The following SPOCK3 variants were observed in gnomAD, a reference collection of about 807,000 sequenced individuals.
SPOCK3 encodes testican-3.
In SPOCK3, 30 loss-of-function variants were observed where a neutral mutation model predicts 56.6. The ratio of observed to expected loss-of-function variants is 0.53; its 90% CI spans 0.40 to 0.72. The LOEUF (loss-of-function observed/expected upper bound fraction) is 0.72. Ranked by LOEUF, SPOCK3 falls within the 30% of genes least tolerant of loss-of-function variation. The pLI is 0.00. For missense variants in SPOCK3, 527 were observed against 530.0 expected (o/e 0.99, Z 0.06); for synonymous variants, 196 against 183.3 (o/e 1.07, Z -0.56).
At chr4:166,794,800 G>A (rs994625216) in intron 6 of SPOCK3, among the ~76,000 whole-genome samples, 1 of 151,606 alleles carries the variant, frequency 6.6e-6, no homozygotes, top group Non-Finnish European at 1.5e-5. Context: ...CCGCCACCAG[G>A]CCCAGCTAAT....
At chr4:166,875,694 G>A (rs1053894883) in intron 6 of SPOCK3, among the ~76,000 whole-genome samples, 8 of 152,154 alleles carry the variant, frequency 5.3e-5, no homozygotes, top group Non-Finnish European at 8.8e-5. Context: ...AACTAGGAGC[G>A]GAAATTACAA....
intron 7 of SPOCK3, among the ~76,000 whole-genome samples, chr4:166,762,379 G>T (rs1737355868): frequency 6.6e-6 from 1 of 152,074 alleles, no homozygotes; most frequent in South Asian, 2.1e-4. Flanking sequence ...TGAGATTTCT[G>T]GTGTGCCCTT....
At chr4:167,164,801 G>A (rs1418386235) in intron 2 of SPOCK3, among the ~76,000 whole-genome samples, 3 of 152,032 alleles carry the variant, frequency 2.0e-5, no homozygotes, top group Non-Finnish European at 1.5e-5. Context: ...AGTATTCCAT[G>A]GTGTATATGT....
chr4:166,903,425 C>G (rs919779432), intron 5 of SPOCK3, among the ~76,000 whole-genome samples: 6 of 151,840 alleles, frequency 4.0e-5, no homozygotes, highest in Non-Finnish European at 7.4e-5. Context: ...AACATTATAC[C>G]ATAATAATGG....
chr4:167,055,326 G>C (rs1754675747), intron 3 of SPOCK3, among the ~76,000 whole-genome samples: 1 of 152,194 alleles, frequency 6.6e-6, no homozygotes, highest in African/African-American at 2.4e-5. Flanking sequence ...GGGGAGCCAA[G>C]ATGGCCAAAT....
intron 2 of SPOCK3, chr4:167,119,736 A>G (rs1761714551): frequency 1.7e-6 from 2 of 1,206,178 alleles, no homozygotes; most frequent in Non-Finnish European, 2.3e-6. Flanking sequence ...TCTATAACAT[A>G]ATGGGTACTC....
At chr4:166,834,858 G>A (rs1020240630) in intron 6 of SPOCK3, among the ~76,000 whole-genome samples, 10 of 151,764 alleles carry the variant, frequency 6.6e-5, no homozygotes, top group African/African-American at 2.4e-4. Context: ...ATTTGACTAT[G>A]TTTTGATCAA....
chr4:167,123,716 C>T (rs1580365922), intron 2 of SPOCK3, among the ~76,000 whole-genome samples: 3 of 150,448 alleles, frequency 2.0e-5, no homozygotes, highest in African/African-American at 7.3e-5. Flanking sequence ...CCAGAAAAGA[C>T]AGCTCCAACA....
At chr4:167,010,422 G>A (rs564233868) in intron 3 of SPOCK3, among the ~76,000 whole-genome samples, 1 of 149,260 alleles carries the variant, frequency 6.7e-6, no homozygotes, top group East Asian at 2.0e-4. Flanking sequence ...AGAAAGCTGA[G>A]ATGTGGAGAA....
At chr4:166,969,890 T>A (rs1004904198) in intron 4 of SPOCK3, among the ~76,000 whole-genome samples, 13 of 152,184 alleles carry the variant, frequency 8.5e-5, no homozygotes. Flanking sequence ...TTATGGGTAG[T>A]CTTAGGAAAA....
chr4:166,769,939 G>C (rs1738700174), intron 7 of SPOCK3, among the ~76,000 whole-genome samples: 1 of 152,178 alleles, frequency 6.6e-6, no homozygotes, highest in African/African-American at 2.4e-5. Context: ...ATGTCAGACA[G>C]CTGTGCTAGT....
intron 6 of SPOCK3, among the ~76,000 whole-genome samples, chr4:166,873,109 A>C (rs1302285515): frequency 6.6e-6 from 1 of 151,990 alleles, no homozygotes; most frequent in African/African-American, 2.4e-5. Flanking sequence ...TCACCTCCCA[A>C]CACCACCAGA....
chr4:167,163,202 G>A (rs545502260), intron 2 of SPOCK3, among the ~76,000 whole-genome samples: 248 of 138,302 alleles, frequency 1.8e-3, no homozygotes, highest in Non-Finnish European at 3.3e-3. Flanking sequence ...CTAAATTTTA[G>A]GTAATCCTCA....
intron 4 of SPOCK3, among the ~76,000 whole-genome samples, chr4:166,940,604 G>A (rs1740939826): frequency 6.6e-6 from 1 of 151,502 alleles, no homozygotes; most frequent in African/African-American, 2.4e-5. Flanking sequence ...TTTGCTCATT[G>A]TAATAATAAA....
At chr4:167,107,183 G>C (rs1342811408) in intron 2 of SPOCK3, among the ~76,000 whole-genome samples, 1 of 151,704 alleles carries the variant, frequency 6.6e-6, no homozygotes, top group Non-Finnish European at 1.5e-5. Flanking sequence ...ACCAAAACCA[G>C]ACAAAGATAC....
chr4:167,164,848 A>G (rs892605556), intron 2 of SPOCK3, among the ~76,000 whole-genome samples: 2 of 152,124 alleles, frequency 1.3e-5, no homozygotes, highest in Non-Finnish European at 2.9e-5. Context: ...ATTGATGGGC[A>G]TTTGAATTGG....
At chr4:166,802,883 A>G (rs1262320209) in intron 6 of SPOCK3, among the ~76,000 whole-genome samples, 2 of 152,102 alleles carry the variant, frequency 1.3e-5, no homozygotes, top group Non-Finnish European at 2.9e-5. Context: ...TCCAGGGCAG[A>G]TTTGAGCAAT....
intron 6 of SPOCK3, among the ~76,000 whole-genome samples, chr4:166,854,984 C>T (rs1456469909): frequency 6.6e-6 from 1 of 152,234 alleles, no homozygotes; most frequent in East Asian, 1.9e-4. Context: ...AACTGTATCC[C>T]GCCCCACTGC....
chr4:167,024,780 T>C (rs1751543332), intron 3 of SPOCK3, among the ~76,000 whole-genome samples: 1 of 151,834 alleles, frequency 6.6e-6, no homozygotes, highest in East Asian at 1.9e-4. Context: ...CACCAAAATC[T>C]CACAAATCAC....
Sources: gnomAD v4.1 joint callset for allele counts (sites outside exome capture counted in the v4.1 genomes callset) on GRCh38, gnomAD v4.1.1 for gene constraint, MANE v1.5 for transcripts, NCBI Gene and HGNC (gene_info 2026-07-23, HGNC 2026-07-21) for gene names.